MLLT3: variants seen among roughly 807,000 people sequenced by gnomAD.
MLLT3 encodes the protein protein AF-9.
A neutral mutation model predicts 53.2 loss-of-function variants in MLLT3; 4 were observed. The ratio of observed to expected loss-of-function variants is 0.08; its 90% CI spans 0.04 to 0.17. MLLT3 has a LOEUF of 0.17. Ranked by LOEUF, MLLT3 falls within the 10% of genes least tolerant of loss-of-function variation. The probability of loss-of-function intolerance (pLI) is 1.00; values close to 1 mark genes in which losing one functional copy is unlikely to be tolerated. For missense variants in MLLT3, 569 were observed against 684.0 expected, an observed-to-expected ratio of 0.83 and a Z score of 1.87; for synonymous variants, 283 against 230.6, an observed-to-expected ratio of 1.23 and a Z score of -2.06.
chr9:20,499,678 A>G (rs1825168135), intron 2 of MLLT3, among the ~76,000 whole-genome samples: 1 of 152,222 alleles, frequency 6.6e-6, no homozygotes, highest in Middle Eastern at 3.2e-3. Context: ...TTAAGGGTCT[A>G]CCCTGAGCTG....
chr9:20,469,399 C>T (rs1323336678), intron 2 of MLLT3, among the ~76,000 whole-genome samples: 1 of 152,120 alleles, frequency 6.6e-6, no homozygotes, highest in Non-Finnish European at 1.5e-5. Context: ...ATATATTGCA[C>T]TTGTAACACC....
intron 2 of MLLT3, among the ~76,000 whole-genome samples, chr9:20,520,552 A>T (rs947140425): frequency 6.6e-6 from 1 of 152,180 alleles, no homozygotes; most frequent in African/African-American, 2.4e-5. Flanking sequence ...CATATAAATA[A>T]AAAATAATGT....
intron 2 of MLLT3, among the ~76,000 whole-genome samples, chr9:20,518,950 G>T (rs1817985528): frequency 6.6e-6 from 1 of 152,102 alleles, no homozygotes; most frequent in Non-Finnish European, 1.5e-5. Context: ...TGCTGACCCT[G>T]CAATACTCTT....
Position 20,353,509 on chromosome 9 carries a change from A to G in MLLT3, c.1575+16T>C. ...TGAAGTTTCTGGAAAGGGTTGTGCT[A>G]AAAAGCATTTCTCACCTGCTGCAGA... On this transcript the variant is annotated intron_variant, in intron 10 of 10. Coordinates refer to ENST00000380338, the MANE Select transcript of MLLT3 (RefSeq NM_004529.4). 6.2e-7 allele frequency: 1 copy of G among 1,611,120 alleles called. No homozygotes were observed. Among genetic ancestry groups the G allele is most frequent in the Non-Finnish European group, 8.5e-7 (1 of 1,177,240 alleles).
At chr9:20,489,381 A>G (rs1824891354) in intron 2 of MLLT3, among the ~76,000 whole-genome samples, 1 of 152,204 alleles carries the variant, frequency 6.6e-6, no homozygotes, top group Non-Finnish European at 1.5e-5. Context: ...GAAGATTTAT[A>G]TTCTCTTTCT....
At position 20,403,096 on chromosome 9, in the gene MLLT3, C is replaced by G. The variant is rs535491895; in HGVS notation, c.1125+10625G>C. ...CGATAATGGCATGCCAACTGGGGGC[C>G]TGCATCCGAGGGCCCCCTTTTAAAA... is the stretch of plus-strand genomic sequence containing the variant. On this transcript the variant is annotated intron_variant, in intron 5 of 10. Coordinates refer to ENST00000380338, the MANE Select transcript of MLLT3 (RefSeq NM_004529.4). Among the ~76,000 whole-genome samples, 3 of 151,492 alleles carry G rather than the reference C, an allele frequency of 2.0e-5. No homozygotes were observed. The South Asian group carries it at 6.2e-4, about 31-fold the overall frequency.
intron 5 of MLLT3, among the ~76,000 whole-genome samples, chr9:20,402,313 T>C (rs1420076142): frequency 6.6e-6 from 1 of 152,176 alleles, no homozygotes; most frequent in African/African-American, 2.4e-5. Flanking sequence ...AAGGGAGCTT[T>C]TGAGATGTCC....
intron 2 of MLLT3, among the ~76,000 whole-genome samples, chr9:20,567,017 C>A (rs1011591255): frequency 3.9e-5 from 6 of 152,192 alleles, no homozygotes; most frequent in African/African-American, 1.4e-4. Context: ...CACCGTCCAG[C>A]AACCGCATAT....
In MLLT3 at chr9:20,621,797, C is replaced by T. The variant is rs548195782; in HGVS notation, c.12+448G>A. The stretch of plus-strand genomic sequence containing the variant: ...CCATCGTAGCGGCCGCGGCGCTTTG[C>T]GGAGGTGCGGCCGCCGAGGCTGCTC... On this transcript the variant is annotated intron_variant, in intron 1 of 10. Coordinates refer to ENST00000380338, the MANE Select transcript of MLLT3 (RefSeq NM_004529.4). The surrounding 1 kb of genome is among the most constrained non-coding windows in gnomAD (Gnocchi z 7.0). The T allele has an allele frequency of 1.1e-4, 155 of 1,457,112 alleles. 1 individual carries two copies. In the African/African-American group the frequency reaches 2.0e-3, roughly 19 times the overall value. 90.3% of individuals were successfully genotyped at this position (1,457,112 alleles called of 1,614,324 possible).
chr9:20,409,337 T>G (rs1822665034), intron 5 of MLLT3, among the ~76,000 whole-genome samples: 1 of 152,182 alleles, frequency 6.6e-6, no homozygotes, highest in South Asian at 2.1e-4. Flanking sequence ...AGATCAACTC[T>G]ATACACTTCT....
intron 2 of MLLT3, among the ~76,000 whole-genome samples, chr9:20,590,533 T>G (rs959062346): frequency 3.9e-5 from 6 of 152,202 alleles, no homozygotes; most frequent in Admixed American, 1.3e-4. Flanking sequence ...GTTCATTGTC[T>G]GTCTGTCTCT....
intron 5 of MLLT3, among the ~76,000 whole-genome samples, chr9:20,393,239 T>A (rs563671229): frequency 3.9e-5 from 6 of 152,222 alleles, no homozygotes; most frequent in African/African-American, 1.4e-4. Flanking sequence ...GATTGTTAGG[T>A]ATAATAACCA....
intron 4 of MLLT3, among the ~76,000 whole-genome samples, chr9:20,436,671 C>T (rs1823413933): frequency 6.6e-6 from 1 of 152,064 alleles, no homozygotes; most frequent in Non-Finnish European, 1.5e-5. Flanking sequence ...TGAACAAAAA[C>T]CCTGACTCAG....
intron 2 of MLLT3, among the ~76,000 whole-genome samples, chr9:20,522,575 C>T (rs982162936): frequency 2.0e-5 from 3 of 152,054 alleles, no homozygotes; most frequent in Admixed American, 6.6e-5. Context: ...TAAGGAAGAG[C>T]TTACTGCCCA....
rs550287155 is a variant in MLLT3, at chr9:20,604,764, C to G, written c.193+15890G>C. ...CAATGCAGCACTGGTCTTTAGTAACCAGATCGTTTCTATTTCATTTTCAGC... is the reference window on the plus strand; with the variant it reads ...CAATGCAGCACTGGTCTTTAGTAACGAGATCGTTTCTATTTCATTTTCAGC... On this transcript the variant is annotated intron_variant, in intron 2 of 10. Coordinates refer to ENST00000380338, the MANE Select transcript of MLLT3 (RefSeq NM_004529.4). Among the ~76,000 whole-genome samples, 13 of 152,162 alleles carry G rather than the reference C, an allele frequency of 8.5e-5. No homozygotes were observed. In the East Asian group the frequency reaches 2.3e-3, roughly 27 times the overall value.
intron 2 of MLLT3, among the ~76,000 whole-genome samples, chr9:20,488,808 T>TA (rs1824875614): frequency 6.6e-6 from 1 of 152,130 alleles, no homozygotes; most frequent in Non-Finnish European, 1.5e-5. Flanking sequence ...CTGTAAAACT[T>TA]AAAGATCAGA....
chr9:20,562,666 T>C (rs781283175), intron 2 of MLLT3, among the ~76,000 whole-genome samples: 9 of 152,212 alleles, frequency 5.9e-5, no homozygotes, highest in Non-Finnish European at 1.2e-4. Context: ...TGCAATTTTA[T>C]ACATTAAGTG....
intron 4 of MLLT3, among the ~76,000 whole-genome samples, chr9:20,440,989 G>A (rs1395776294): frequency 6.6e-6 from 1 of 152,116 alleles, no homozygotes; most frequent in Non-Finnish European, 1.5e-5. Flanking sequence ...GAGGTCTGCA[G>A]AAAGAAATGG....
chr9:20,510,148 G>A (rs186786445), intron 2 of MLLT3, among the ~76,000 whole-genome samples: 1 of 152,120 alleles, frequency 6.6e-6, no homozygotes, highest in Admixed American at 6.5e-5. Flanking sequence ...AAGAAAATAT[G>A]TGTAACACAT....
Sources: allele counts gnomAD v4.1 joint callset (sites outside exome capture counted in the v4.1 genomes callset), GRCh38; gene constraint gnomAD v4.1.1; non-coding constraint Gnocchi (gnomAD v3.1); transcripts MANE v1.5; gene names NCBI Gene and HGNC (gene_info 2026-07-23, HGNC 2026-07-21).